The following LHX8 variants were observed in gnomAD, a reference collection of about 807,000 sequenced individuals.
LHX8 encodes the protein LIM/homeobox protein Lhx8.
LHX8 carries 12 observed loss-of-function variants against 40.3 expected under a neutral mutation model. The observed-to-expected ratio is 0.30, with a 90% CI of 0.19 to 0.48. The LOEUF (loss-of-function observed/expected upper bound fraction) is 0.48. Ranked by LOEUF, LHX8 falls within the 20% of genes least tolerant of loss-of-function variation. The probability of loss-of-function intolerance (pLI) is 0.99; values close to 1 mark genes in which losing one functional copy is unlikely to be tolerated. For synonymous variants in LHX8, 179 were observed against 162.0 expected, an observed-to-expected ratio of 1.10 and a Z score of -0.80; for missense variants, 344 against 433.7, an observed-to-expected ratio of 0.79 and a Z score of 1.84.
chr1:75,171,275 G>T, the LHX8 span, among the ~76,000 whole-genome samples: 1 of 151,982 alleles, frequency 6.6e-6, no homozygotes, highest in Non-Finnish European at 1.5e-5. Context: ...TTAATCATTT[G>T]AGTGAGTACA....
At chr1:75,138,206 C>T (rs1393221397) in intron 3 of LHX8, among the ~76,000 whole-genome samples, 2 of 152,112 alleles carry the variant, frequency 1.3e-5, no homozygotes, top group South Asian at 2.1e-4. Context: ...TTTTTAAAAC[C>T]ACTATTTAAA....
chr1:75,180,423 A>T, the LHX8 span, among the ~76,000 whole-genome samples: 2 of 151,902 alleles, frequency 1.3e-5, no homozygotes, highest in Admixed American at 1.3e-4. Flanking sequence ...TTCTCTTCTG[A>T]CTTCATTTCA....
At chr1:75,172,827 G>T in the LHX8 span, among the ~76,000 whole-genome samples, 1 of 152,022 alleles carries the variant, frequency 6.6e-6, no homozygotes, top group African/African-American at 2.4e-5. Flanking sequence ...TCGTGTTTGG[G>T]CCCCCTGCCT....
chr1:75,129,637 C>T (rs1356892916), upstream of LHX8, among the ~76,000 whole-genome samples: 1 of 152,208 alleles, frequency 6.6e-6, no homozygotes, highest in Non-Finnish European at 1.5e-5. Flanking sequence ...CACAGCCCCA[C>T]TTCTGCCTCT....
At chr1:75,180,072 T>A in the LHX8 span, among the ~76,000 whole-genome samples, 3 of 152,240 alleles carry the variant, frequency 2.0e-5, no homozygotes, top group African/African-American at 7.2e-5. Context: ...GTTAGTCTGA[T>A]AGCCTTCCCT....
chr1:75,171,950 G>C, the LHX8 span, among the ~76,000 whole-genome samples: 1 of 152,288 alleles, frequency 6.6e-6, no homozygotes, highest in East Asian at 1.9e-4. Flanking sequence ...AGAATGATTG[G>C]TGTTTGTGTA....
chr1:75,136,506 C>T, intron 1 of LHX8, 97 bp from the exon 2 acceptor site: 1 of 935,976 alleles, frequency 1.1e-6, no homozygotes, highest in South Asian at 1.4e-5. Context: ...CTCTGAGGGC[C>T]TTCATTAGCT....
chr1:75,184,821 GT>G, the LHX8 span, among the ~76,000 whole-genome samples: 19,767 of 140,442 alleles, frequency 0.14, 1,588 homozygotes, highest in African/African-American at 0.23. Context: ...TCCAGCAGCT[GT>G]TTTTTTTTTT....
At chr1:75,185,451 T>A in the LHX8 span, among the ~76,000 whole-genome samples, 1 of 151,942 alleles carries the variant, frequency 6.6e-6, no homozygotes, top group East Asian at 1.9e-4. Flanking sequence ...GCCCAAGATA[T>A]GCAAATCAAT....
rs372190310 is a variant in LHX8 at position 75,143,965 on chromosome 1, A to T, written c.684+17A>T. On this transcript the variant is annotated intron_variant, in intron 6 of 8. Transcript: ENST00000356261. ...CAGCTTCAGGTAAGCATAACAATGA[A>T]TTTTTTATTTTTGAAGCCCCTCCCA... 5 of 1,605,202 alleles carry T rather than the reference A, an allele frequency of 3.1e-6. No homozygotes were observed. Among genetic ancestry groups the T allele is most frequent in the African/African-American group, 1.3e-5 (1 of 74,684 alleles).
intron 7 of LHX8, 135 bp from the exon 8 acceptor site, chr1:75,156,758 A>G: frequency 1.2e-6 from 1 of 841,948 alleles, no homozygotes; most frequent in South Asian, 1.4e-5. Flanking sequence ...GAACTTTTAT[A>G]AAAGCTGAGT....
the LHX8 span, among the ~76,000 whole-genome samples, chr1:75,173,968 C>G: frequency 6.6e-6 from 1 of 151,808 alleles, no homozygotes; most frequent in Admixed American, 6.6e-5. Flanking sequence ...AAAGGAAATG[C>G]TCTTTGGAGC....
chr1:75,143,978 G>A (rs764234426), intron 6 of LHX8, 30 bp downstream of exon 6: 2 of 1,577,598 alleles, frequency 1.3e-6, no homozygotes, highest in Admixed American at 1.7e-5. Context: ...TTTTATTTTT[G>A]AAGCCCCTCC....
chr1:75,143,025 A>G (rs1261453088), intron 4 of LHX8, 93 bp from the exon 5 acceptor site: 9 of 946,042 alleles, frequency 9.5e-6, no homozygotes, highest in African/African-American at 8.0e-5. Context: ...GGTTATTTCA[A>G]TGGGGTAAGA....
intron 7 of LHX8, among the ~76,000 whole-genome samples, chr1:75,152,303 GTAATAAAGCAGACTGTCCTTA>G (rs1247602424): frequency 1.3e-5 from 2 of 152,190 alleles, no homozygotes; most frequent in East Asian, 3.8e-4. Context: ...TAAGACATTT[GTAATAAAGCAGACTGTCCTTA>G]TACTGAAGTC....
rs1393056105 is a variant in LHX8 at position 75,141,093 on chromosome 1, C to T, written c.346C>T (p.Leu116Phe). 6.2e-7 allele frequency: 1 copy of T among 1,613,224 alleles called. No homozygotes were observed. The highest frequency in any genetic ancestry group is 8.5e-7 in the Non-Finnish European group (1 of 1,179,466). Residue 116 changes from leucine (L) to phenylalanine (F), a missense_variant, in exon 4 of 9, where the codon CTT becomes TTT. Leu to Phe is a conservative substitution (Grantham distance 22). Coordinates refer to ENST00000356261, the MANE Select transcript of LHX8 (RefSeq NM_001256114.2). ...YIKDKDIFCK[L>F]DYFRRYGTRC... ...TAAAGACAAAGACATTTTCTGCAAACTTGATTATTTCAGGTATGCTGTGAA... is the reference window on the plus strand; with the variant it reads ...TAAAGACAAAGACATTTTCTGCAAATTTGATTATTTCAGGTATGCTGTGAA...
intron 7 of LHX8, among the ~76,000 whole-genome samples, chr1:75,155,276 C>G (rs1283317950): frequency 6.9e-6 from 1 of 144,916 alleles, no homozygotes; most frequent in Non-Finnish European, 1.5e-5. Flanking sequence ...GCTCTGTCGC[C>G]CAGCCTGGAG....
At chr1:75,131,356 T>G (rs753256222), upstream of LHX8, 1 of 157,936 alleles carries the variant, frequency 6.3e-6, no homozygotes, top group African/African-American at 2.4e-5. Context: ...GGTTCAATAG[T>G]CAAGTTGGTG....
the LHX8 span, among the ~76,000 whole-genome samples, chr1:75,167,328 A>T: frequency 6.6e-6 from 1 of 152,214 alleles, no homozygotes. Flanking sequence ...TGACCCTGTG[A>T]TAAGATAGTA....
Sources: allele counts gnomAD v4.1 joint callset (sites outside exome capture counted in the v4.1 genomes callset), GRCh38; gene constraint gnomAD v4.1.1; transcripts MANE v1.5; gene names NCBI Gene and HGNC (gene_info 2026-07-23, HGNC 2026-07-21).